Variants in PGM3 observed in about 807,000 individuals in gnomAD.
PGM3 encodes the protein phosphoacetylglucosamine mutase.
PGM3 carries 40 observed loss-of-function variants against 66.2 expected under a neutral mutation model. That is an observed-to-expected ratio of 0.60 (90% CI 0.47 to 0.79). PGM3 has a LOEUF of 0.79. Among genes scored for constraint, PGM3 ranks in the 30% least tolerant of loss-of-function variants. PGM3 has a pLI of 0.00. For synonymous variants in PGM3, 191 were observed against 224.2 expected (o/e 0.85, Z 1.32); for missense variants, 537 against 643.4 (o/e 0.83, Z 1.79).
rs1786839596 is a variant in PGM3 at position 83,170,303 on chromosome 6, A to G, written c.1539+2T>C. 2 of 1,613,926 alleles carry G rather than the reference A, an allele frequency of 1.2e-6. No individual in the cohort carries two copies. The highest frequency in any genetic ancestry group is 1.6e-4 in the Middle Eastern group (1 of 6,062). On this transcript the variant is annotated splice_donor_variant, in intron 12 of 12. Coordinates refer to ENST00000513973, the MANE Select transcript of PGM3 (RefSeq NM_015599.3). LOFTEE classifies it high-confidence loss of function. Reference sequence around the variant, plus strand: ...TTTTTCAATAGAACTATCCCAGCTTACTTGTGAGTCTGCTTCTGCATATAC... The same window carrying G: ...TTTTTCAATAGAACTATCCCAGCTTGCTTGTGAGTCTGCTTCTGCATATAC...
At chr6:83,176,647 A>G (rs563436764) in intron 8 of PGM3, among the ~76,000 whole-genome samples, 1 of 152,342 alleles carries the variant, frequency 6.6e-6, no homozygotes, top group Admixed American at 6.5e-5. Flanking sequence ...GAATAGGGAA[A>G]GTCATGGATG....
At chr6:83,185,487 G>C (rs1389987990) in intron 4 of PGM3, among the ~76,000 whole-genome samples, 1 of 152,206 alleles carries the variant, frequency 6.6e-6, no homozygotes, top group African/African-American at 2.4e-5. Flanking sequence ...AATGAGGCCG[G>C]GCGCAGTGGC....
intron 4 of PGM3, 30 bp from the exon 5 acceptor site, chr6:83,183,008 C>T (rs929734335): frequency 1.3e-5 from 21 of 1,597,078 alleles, no homozygotes; most frequent in Admixed American, 1.7e-5. Context: ...AGCAATTCAC[C>T]GCATTTCTTA....
Position 83,166,808 on chromosome 6 carries a change from G to A in PGM3, c.*2426C>T. The A allele has an allele frequency of 2.0e-6, 2 of 1,023,468 alleles. No homozygotes were observed. The highest frequency in any genetic ancestry group is 2.3e-6 in the Non-Finnish European group (2 of 855,504). 63.4% of individuals were successfully genotyped at this position (1,023,468 alleles called of 1,614,324 possible). A position where few individuals can be genotyped will look rare whatever the true frequency, so the allele number is the denominator to read the frequency against. Reference sequence around the variant, plus strand: ...GAAACTAGTGATATTAAATTATTAGGTAAACAATGAAAGTTTCTGAGCAAC... The same window carrying A: ...GAAACTAGTGATATTAAATTATTAGATAAACAATGAAAGTTTCTGAGCAAC... On this transcript the variant is annotated 3_prime_UTR_variant, in exon 13 of 13. Coordinates refer to ENST00000513973, the MANE Select transcript of PGM3 (RefSeq NM_015599.3).
rs1330160868 is a variant in PGM3 at position 83,167,768 on chromosome 6, C to A, written c.*1466G>T. On this transcript the variant is annotated 3_prime_UTR_variant, in exon 13 of 13. Coordinates refer to ENST00000513973, the MANE Select transcript of PGM3 (RefSeq NM_015599.3). The stretch of plus-strand genomic sequence containing the variant: ...AACTTAATGTCATTTGTATTCATTT[C>A]TTGACCAATTGCCAAAGTTTATATA... The A allele has an allele frequency of 6.9e-7, 1 of 1,454,746 alleles. No homozygotes were observed. The highest frequency in any genetic ancestry group is 9.1e-7 in the Non-Finnish European group (1 of 1,103,796). The allele number at this position is 1,454,746 out of a possible 1,614,324, so 90.1% of individuals were successfully genotyped here.
At chr6:83,183,853 T>C (rs984163529) in intron 4 of PGM3, among the ~76,000 whole-genome samples, 1 of 152,034 alleles carries the variant, frequency 6.6e-6, no homozygotes, top group East Asian at 1.9e-4. Context: ...GTAGCTGAGA[T>C]TACAGGCACC....
At position 83,174,431 on chromosome 6, in the gene PGM3, T is replaced by C. The variant is rs577710157; in HGVS notation, c.1185A>G (p.Glu395=). The C allele has an allele frequency of 6.2e-7, 1 of 1,608,712 alleles. No individual in the cohort carries two copies. The highest frequency in any genetic ancestry group is 2.2e-5 in the East Asian group (1 of 44,784). ...MKIKQSAEQL[E]DKKRKAAKML... ...TCTTAGCAGCTTTTCTTTTCTTATC[T>C]TCCAGTTGTTCTGCTGATTGTTTTA... Residue 395 remains glutamate, a synonymous_variant, in exon 10 of 13, where the codon GAA becomes GAG. Transcript: ENST00000513973.
chr6:83,168,255 T>C lies in PGM3; in HGVS notation c.*979A>G, dbSNP rs1032790382. ...TCTGCGTTGTATAGTTTTTCCTTTTTTGTATGTAACAGAACACATTTCAGA... is the reference window on the plus strand; with the variant it reads ...TCTGCGTTGTATAGTTTTTCCTTTTCTGTATGTAACAGAACACATTTCAGA... On this transcript the variant is annotated 3_prime_UTR_variant, in exon 13 of 13. Transcript: ENST00000513973. 5 of 1,470,012 alleles carry C rather than the reference T, an allele frequency of 3.4e-6. No individual in the cohort carries two copies. In the African/African-American group the frequency reaches 7.1e-5, roughly 21 times the overall value. The allele number at this position is 1,470,012 out of a possible 1,614,324, so 91.1% of individuals were successfully genotyped here. A position where few individuals can be genotyped will look rare whatever the true frequency, so the allele number is the denominator to read the frequency against.
At chr6:83,162,591 T>A (rs1023928982), downstream of PGM3, among the ~76,000 whole-genome samples, 1 of 152,162 alleles carries the variant, frequency 6.6e-6, no homozygotes, top group Non-Finnish European at 1.5e-5. Flanking sequence ...TATGAGGTAG[T>A]TAATAGTATC....
intron 2 of PGM3, 136 bp from the exon 3 acceptor site, chr6:83,188,934 T>C: frequency 1.6e-6 from 1 of 622,596 alleles, no homozygotes; most frequent in Non-Finnish European, 2.8e-6. Context: ...CAAATATTAA[T>C]ACTGGACCCT....
intron 4 of PGM3, among the ~76,000 whole-genome samples, chr6:83,186,399 G>A (rs1297792081): frequency 2.6e-5 from 4 of 152,144 alleles, no homozygotes; most frequent in East Asian, 1.9e-4. Context: ...GAACACAGTC[G>A]GAACTCGAGA....
chr6:83,189,953 C>CA (rs1193229610), intron 2 of PGM3, among the ~76,000 whole-genome samples: 30 of 152,114 alleles, frequency 2.0e-4, no homozygotes, highest in African/African-American at 7.2e-4. Flanking sequence ...CACAGAAACA[C>CA]AGAGTAGTAT....
At chr6:83,155,002 C>A in the PGM3 span, among the ~76,000 whole-genome samples, 4 of 152,042 alleles carry the variant, frequency 2.6e-5, no homozygotes, top group African/African-American at 7.2e-5. Context: ...CAACAGTGGG[C>A]CACGCATTGC....
chr6:83,180,512 T>C (rs561697922), intron 6 of PGM3, among the ~76,000 whole-genome samples: 5 of 152,310 alleles, frequency 3.3e-5, no homozygotes, highest in South Asian at 4.1e-4. Flanking sequence ...ATTAGAAAAT[T>C]TGGCTATTCC....
chr6:83,159,793 C>T, downstream of PGM3: 1 of 1,614,140 alleles, frequency 6.2e-7, no homozygotes, highest in Non-Finnish European at 8.5e-7. Context: ...CTCCTGCTTA[C>T]AGGACTTCAG....
intron 4 of PGM3, among the ~76,000 whole-genome samples, chr6:83,183,906 G>A (rs1788385839): frequency 1.3e-5 from 2 of 152,094 alleles, no homozygotes; most frequent in Middle Eastern, 3.4e-3. Context: ...AGTAGAGACA[G>A]GGTTTCATCA....
In PGM3 at chr6:83,190,794, C is replaced by A; in HGVS notation, c.204+15G>T. 1 of 1,592,350 alleles carries A rather than the reference C, an allele frequency of 6.3e-7. No individual in the cohort carries two copies. Among genetic ancestry groups the A allele is most frequent in the South Asian group, 1.1e-5 (1 of 90,576 alleles). ...TAAATAATGGTCTGCTTTATCAGGG[C>A]ACTAAACCCATTACCTCAGGATTGT... On this transcript the variant is annotated intron_variant, in intron 2 of 12. Coordinates refer to ENST00000513973, the MANE Select transcript of PGM3 (RefSeq NM_015599.3).
chr6:83,152,229 C>T, the PGM3 span: 6 of 907,622 alleles, frequency 6.6e-6, no homozygotes, highest in Non-Finnish European at 1.0e-5. Flanking sequence ...CACACACACA[C>T]ACATAAAATT....
chr6:83,193,641 A>ACAGGGCGACCTCGCC (rs1789377199), upstream of PGM3, among the ~76,000 whole-genome samples: 1 of 152,122 alleles, frequency 6.6e-6, no homozygotes. Flanking sequence ...TGGGCCTCGG[A>ACAGGGCGACCTCGCC]CAGGGCGACC....
Sources: allele counts gnomAD v4.1 joint callset (sites outside exome capture counted in the v4.1 genomes callset), GRCh38; gene constraint gnomAD v4.1.1; transcripts MANE v1.5; gene names NCBI Gene and HGNC (gene_info 2026-07-23, HGNC 2026-07-21).